The following JAKMIP2 variants were observed in gnomAD, a reference collection of about 807,000 sequenced individuals.
The protein encoded by JAKMIP2 is janus kinase and microtubule-interacting protein 2.
JAKMIP2 carries 25 observed loss-of-function variants against 115.0 expected under a neutral mutation model. The ratio of observed to expected loss-of-function variants is 0.22; its 90% CI spans 0.16 to 0.30. JAKMIP2 has a LOEUF of 0.30. Among genes scored for constraint, JAKMIP2 ranks in the 10% least tolerant of loss-of-function variants. The probability of loss-of-function intolerance (pLI) is 1.00; values close to 1 mark genes in which losing one functional copy is unlikely to be tolerated. For missense variants in JAKMIP2, 642 were observed against 957.6 expected (o/e 0.67, Z 4.35); for synonymous variants, 334 against 343.6 (o/e 0.97, Z 0.31).
chr5:147,599,647 A>G (rs1055779805), intron 21 of JAKMIP2, among the ~76,000 whole-genome samples: 4 of 152,236 alleles, frequency 2.6e-5, no homozygotes. Context: ...AAAAGCCAGT[A>G]GCTAAGTAGT....
At chr5:147,619,212 C>T (rs1581300536) in intron 18 of JAKMIP2, among the ~76,000 whole-genome samples, 2 of 152,080 alleles carry the variant, frequency 1.3e-5, no homozygotes, top group Admixed American at 6.6e-5. Context: ...CTGGGCTAAG[C>T]AGGTCTCATC....
intron 21 of JAKMIP2, 62 bp downstream of exon 21, chr5:147,601,679 G>A: frequency 8.7e-7 from 1 of 1,154,420 alleles, no homozygotes; most frequent in Non-Finnish European, 1.2e-6. Context: ...GTAACTATAG[G>A]TAACATCCTT....
intron 19 of JAKMIP2, among the ~76,000 whole-genome samples, chr5:147,614,272 G>T (rs964962512): frequency 6.6e-6 from 1 of 152,154 alleles, no homozygotes; most frequent in Non-Finnish European, 1.5e-5. Context: ...AATAGAAAAG[G>T]TAAACAATGG....
At chr5:147,724,825 T>A (rs1446485070) in intron 1 of JAKMIP2, among the ~76,000 whole-genome samples, 2 of 151,930 alleles carry the variant, frequency 1.3e-5, no homozygotes, top group Admixed American at 1.3e-4. Context: ...ACTGTCTTCA[T>A]AGATAGATAA....
chr5:147,745,333 C>A (rs561061351), intron 1 of JAKMIP2, among the ~76,000 whole-genome samples: 1 of 152,104 alleles, frequency 6.6e-6, no homozygotes, highest in Admixed American at 6.6e-5. Context: ...TTTTAGGTTT[C>A]CAAACCTTTG....
In JAKMIP2 at chr5:147,612,306, CT is replaced by C; in HGVS notation, c.2411del (p.Lys804SerfsTer26). 1 of 1,527,818 alleles carries C rather than the reference CT, an allele frequency of 6.5e-7. No individual in the cohort carries two copies. Among genetic ancestry groups the C allele is most frequent in the Non-Finnish European group, 9.0e-7 (1 of 1,106,400 alleles). 94.6% of individuals were successfully genotyped at this position (1,527,818 alleles called of 1,614,324 possible). A position where few individuals can be genotyped will look rare whatever the true frequency, so the allele number is the denominator to read the frequency against. On this transcript the variant is annotated frameshift_variant and splice_region_variant, in exon 20 of 22. Transcript: ENST00000616793. LOFTEE classifies it high-confidence loss of function. ...GATAGTTATTGAATTTGACACCTACCTTTTCTTCTAAGTCTTTTATTTGTCT... is the reference window on the plus strand; with the variant it reads ...GATAGTTATTGAATTTGACACCTACCTTTCTTCTAAGTCTTTTATTTGTCT... The part of the protein sequence containing the change: ...QKRQIKDLEE[K>X]FLFLFLFFSL...
At chr5:147,595,402 G>C (rs1246306858) in intron 21 of JAKMIP2, 1 of 456,478 alleles carries the variant, frequency 2.2e-6, no homozygotes, top group East Asian at 7.0e-5. Flanking sequence ...TTGCCCCTCT[G>C]TTCCTTCTGT....
At chr5:147,721,570 CG>C (rs1431224614) in intron 1 of JAKMIP2, among the ~76,000 whole-genome samples, 1 of 152,064 alleles carries the variant, frequency 6.6e-6, no homozygotes, top group South Asian at 2.1e-4. Flanking sequence ...TTTTTAAGCC[CG>C]TCGGAAAAGC....
chr5:147,751,129 T>C (rs1754536169), intron 1 of JAKMIP2, among the ~76,000 whole-genome samples: 1 of 151,832 alleles, frequency 6.6e-6, no homozygotes. Context: ...TGGAGTGCAG[T>C]GGCATGATCT....
intron 1 of JAKMIP2, among the ~76,000 whole-genome samples, chr5:147,769,440 T>C (rs185958559): frequency 6.6e-6 from 1 of 152,132 alleles, no homozygotes; most frequent in Admixed American, 6.5e-5. Context: ...CATGTAATAA[T>C]CCTTGTTAGA....
intron 21 of JAKMIP2, among the ~76,000 whole-genome samples, chr5:147,599,069 A>G (rs1755555358): frequency 6.6e-6 from 1 of 152,200 alleles, no homozygotes; most frequent in South Asian, 2.1e-4. Flanking sequence ...ACTACTTGGC[A>G]GTACTAGAGG....
chr5:147,690,848 A>G (rs545379605), intron 1 of JAKMIP2, among the ~76,000 whole-genome samples: 34 of 151,818 alleles, frequency 2.2e-4, no homozygotes, highest in Non-Finnish European at 4.0e-4. Flanking sequence ...AACTCTGACA[A>G]ATTATATACC....
chr5:147,760,101 A>T (rs191102786), intron 1 of JAKMIP2, among the ~76,000 whole-genome samples: 2 of 152,228 alleles, frequency 1.3e-5, no homozygotes, highest in African/African-American at 4.8e-5. Flanking sequence ...AAATGGAGAG[A>T]AAGAAGGACA....
chr5:147,713,218 C>T (rs771430597), intron 1 of JAKMIP2, among the ~76,000 whole-genome samples: 3 of 151,970 alleles, frequency 2.0e-5, no homozygotes, highest in Non-Finnish European at 4.4e-5. Flanking sequence ...TACAAAATTG[C>T]TTAACATTTG....
Position 147,590,836 on chromosome 5 carries a change from T to C in JAKMIP2, c.*871A>G, listed in dbSNP as rs1430596876. 6.6e-6 allele frequency: 1 copy of C among 152,202 alleles called. No homozygotes were observed. Among genetic ancestry groups the C allele is most frequent in the African/African-American group, 2.4e-5 (1 of 41,452 alleles). 9.4% of individuals were successfully genotyped at this position (152,202 alleles called of 1,614,324 possible). A position where few individuals can be genotyped will look rare whatever the true frequency, so the allele number is the denominator to read the frequency against. On this transcript the variant is annotated 3_prime_UTR_variant, in exon 22 of 22. Transcript: ENST00000616793. ...ACAGTATCATCTTCTTAGTTTTCAA[T>C]ATGAATGAGATCAGTCCATTGTTGA...
chr5:147,611,968 C>G (rs1191705162), intron 20 of JAKMIP2, among the ~76,000 whole-genome samples: 1 of 151,542 alleles, frequency 6.6e-6, no homozygotes, highest in Admixed American at 6.6e-5. Context: ...AACAAAGGTG[C>G]TAAAAGATTT....
intron 1 of JAKMIP2, among the ~76,000 whole-genome samples, chr5:147,751,256 G>GGTT (rs746349574): frequency 1.5e-5 from 2 of 131,600 alleles, no homozygotes; most frequent in African/African-American, 5.7e-5. Flanking sequence ...TTTTGTTGTT[G>GGTT]TTTTTTTTTT....
chr5:147,765,247 A>T (rs893336137), intron 1 of JAKMIP2, among the ~76,000 whole-genome samples: 1 of 152,098 alleles, frequency 6.6e-6, no homozygotes, highest in Non-Finnish European at 1.5e-5. Context: ...ATATAAACCA[A>T]TTGGTCACAC....
At chr5:147,682,573 T>C (rs979104899) in intron 1 of JAKMIP2, among the ~76,000 whole-genome samples, 1 of 152,222 alleles carries the variant, frequency 6.6e-6, no homozygotes, top group Non-Finnish European at 1.5e-5. Flanking sequence ...TGTGTGTTAT[T>C]CATCTTTGTG....
Sources: gnomAD v4.1 joint callset for allele counts (sites outside exome capture counted in the v4.1 genomes callset) on GRCh38, gnomAD v4.1.1 for gene constraint, MANE v1.5 for transcripts, NCBI Gene and HGNC (gene_info 2026-07-23, HGNC 2026-07-21) for gene names.